STRN3: variants seen among roughly 807,000 people sequenced by gnomAD.
STRN3 encodes the protein striatin 3, also known as striatin-3.
STRN3 carries 29 observed loss-of-function variants against 95.6 expected under a neutral mutation model. That is an observed-to-expected ratio of 0.30 (90% confidence interval 0.23 to 0.41). The LOEUF is 0.41. Ranked by LOEUF, STRN3 falls within the 10% of genes least tolerant of loss-of-function variation. The probability of loss-of-function intolerance (pLI) is 1.00; values close to 1 mark genes in which losing one functional copy is unlikely to be tolerated. For missense variants in STRN3, 890 were observed against 972.1 expected (o/e 0.92, Z 1.12); for synonymous variants, 331 against 357.6 (o/e 0.93, Z 0.84).
chr14:30,973,384 CAG>C (rs531237868), intron 1 of STRN3, among the ~76,000 whole-genome samples: 90 of 150,828 alleles, frequency 6.0e-4, no homozygotes, highest in Admixed American at 1.6e-3. Context: ...GACAAAGAGA[CAG>C]AGAGAGAGAA....
At chr14:30,898,504 T>C (rs970400061) in intron 16 of STRN3, among the ~76,000 whole-genome samples, 4 of 152,224 alleles carry the variant, frequency 2.6e-5, no homozygotes, top group African/African-American at 9.6e-5. Flanking sequence ...TTAACCCTTC[T>C]TCTCCACAGA....
chr14:30,920,608 A>T (rs1326754349), intron 8 of STRN3, among the ~76,000 whole-genome samples: 2 of 152,174 alleles, frequency 1.3e-5, no homozygotes. Context: ...GTTTTAAAAA[A>T]GAATCTCCCT....
chr14:30,929,572 T>A (rs1489672271), intron 7 of STRN3, among the ~76,000 whole-genome samples: 1 of 152,074 alleles, frequency 6.6e-6, no homozygotes, highest in African/African-American at 2.4e-5. Context: ...TATCATTCAT[T>A]CAATAGACTG....
chr14:31,024,727 G>C (rs554069325), intron 1 of STRN3, among the ~76,000 whole-genome samples: 67 of 152,062 alleles, frequency 4.4e-4, no homozygotes, highest in Middle Eastern at 3.2e-3. Context: ...TTTGCCTAAC[G>C]ATTCACCATA....
At chr14:30,903,477 C>G (rs1896379580) in intron 15 of STRN3, among the ~76,000 whole-genome samples, 1 of 152,158 alleles carries the variant, frequency 6.6e-6, no homozygotes, top group Non-Finnish European at 1.5e-5. Context: ...TCATAGCTCA[C>G]TGTAACCTTG....
At chr14:31,013,775 G>A (rs1883082265) in intron 1 of STRN3, among the ~76,000 whole-genome samples, 1 of 137,230 alleles carries the variant, frequency 7.3e-6, no homozygotes, top group Non-Finnish European at 1.6e-5. Context: ...CTTTTCTGTA[G>A]AAACGGGGGG....
intron 5 of STRN3, among the ~76,000 whole-genome samples, chr14:30,944,224 A>G (rs530283728): frequency 6.6e-6 from 1 of 152,160 alleles, no homozygotes; most frequent in South Asian, 2.1e-4. Flanking sequence ...GCTGTAAAAT[A>G]TTTACAAATT....
Position 30,913,611 on chromosome 14 carries a change from C to A in STRN3, c.1287G>T (p.Met429Ile), listed in dbSNP as rs753321305. The stretch of plus-strand genomic sequence containing the variant: ...CACTTAACAAAACATCATCAGAACC[C>A]ATAATAAATGACTTGCCTCCTCCAG... Reference protein sequence around the residue: ...FPSGGGKSFIMGSDDVLLSVL... With the variant: ...FPSGGGKSFIIGSDDVLLSVL... Residue 429 changes from methionine (M) to isoleucine (I), a missense_variant, in exon 10 of 18, where the codon ATG becomes ATT. Physicochemically the swap from Met to Ile is conservative, Grantham distance 10 (BLOSUM62 1). Around this residue, in one of 3 missense-constraint regions of STRN3, gnomAD observed 7 missense variants for 23.0 expected, o/e 0.30. Transcript: ENST00000357479. The A allele has an allele frequency of 7.9e-5, 128 of 1,613,728 alleles. No individual in the cohort carries two copies. The highest frequency in any genetic ancestry group is 9.0e-5 in the Non-Finnish European group (106 of 1,179,892).
chr14:30,926,556 C>G (rs1422738960), intron 8 of STRN3, among the ~76,000 whole-genome samples: 12 of 151,544 alleles, frequency 7.9e-5, no homozygotes, highest in Non-Finnish European at 1.6e-4. Flanking sequence ...TATAATACTT[C>G]TTATAATTAC....
rs1166932734 is a variant in STRN3, at chr14:30,895,067, AAAAAAAAAAAAAG to A, written c.*331_*343del. ...CACACAGAGTCCAAAAAAAAAAAAAAAAAAAAAAAAAAGAAGAAGAAGAAGAGAAAAAAAAAAA... is the reference window on the plus strand; with the variant it reads ...CACACAGAGTCCAAAAAAAAAAAAAAAAGAAGAAGAAGAGAAAAAAAAAAA... On this transcript the variant is annotated 3_prime_UTR_variant, in exon 18 of 18. Transcript: ENST00000357479. 1.1e-4 allele frequency: 23 copies of A among 213,104 alleles called. No individual in the cohort carries two copies. The highest frequency in any genetic ancestry group is 1.6e-4 in the Non-Finnish European group (19 of 118,006). The allele number at this position is 213,104 out of a possible 1,614,324, so 13.2% of individuals were successfully genotyped here.
intron 5 of STRN3, among the ~76,000 whole-genome samples, chr14:30,944,551 A>T (rs1879257582): frequency 1.4e-5 from 1 of 69,432 alleles, no homozygotes; most frequent in Non-Finnish European, 2.9e-5. Context: ...GTATATATAC[A>T]CGTATATATA....
intron 1 of STRN3, among the ~76,000 whole-genome samples, chr14:30,987,738 A>G (rs1881763822): frequency 6.7e-6 from 1 of 149,400 alleles, no homozygotes; most frequent in African/African-American, 2.5e-5. Flanking sequence ...TCAGTTGAAT[A>G]TAATTTTTTT....
Position 31,026,075 on chromosome 14 carries a change from C to T in STRN3, c.111G>A (p.Ala37=), listed in dbSNP as rs893643518. The change falls in exon 1 of 18, where the codon GCG becomes GCA. Residue 37 remains alanine (A), a synonymous_variant. Transcript: ENST00000357479. The part of the protein sequence containing the change: ...NLGLSPGGNG[A]AGGGGPPASE... The stretch of plus-strand genomic sequence containing the variant: ...AGGCCGGAGGACCCCCGCCGCCCGC[C>T]GCTCCGTTCCCCCCGGGCGAAAGGC... The T allele has an allele frequency of 3.9e-6, 6 of 1,529,576 alleles. No homozygotes were observed. The African/African-American group carries it at 7.1e-5, about 18-fold the overall frequency. The allele number at this position is 1,529,576 out of a possible 1,614,324, so 94.8% of individuals were successfully genotyped here. A position where few individuals can be genotyped will look rare whatever the true frequency, so the allele number is the denominator to read the frequency against.
At chr14:30,976,049 A>G (rs1382589159) in intron 1 of STRN3, among the ~76,000 whole-genome samples, 1 of 152,198 alleles carries the variant, frequency 6.6e-6, no homozygotes, top group Non-Finnish European at 1.5e-5. Flanking sequence ...AGTTACCAAC[A>G]TGGTACTAAC....
chr14:31,015,652 C>T lies in STRN3; in HGVS notation c.282+10252G>A, dbSNP rs77049525. On this transcript the variant is annotated intron_variant, in intron 1 of 17. Transcript: ENST00000357479. Reference sequence around the variant, plus strand: ...CCTCCCAAAGTGCTGGGATTACAGGCATGAGCCACCGTGCCCCCAGCCAAC... The same window carrying T: ...CCTCCCAAAGTGCTGGGATTACAGGTATGAGCCACCGTGCCCCCAGCCAAC... Among the ~76,000 whole-genome samples the T allele has an allele frequency of 3.8e-3, 577 of 152,330 alleles. 2 individuals are homozygous for T. Among genetic ancestry groups the T allele is most frequent in the African/African-American group, 0.013 (542 of 41,578 alleles).
chr14:30,896,560 AAAAG>A (rs1896156338), intron 16 of STRN3, among the ~76,000 whole-genome samples: 1 of 150,496 alleles, frequency 6.6e-6, no homozygotes, highest in African/African-American at 2.5e-5. Flanking sequence ...GAGAAGAAAG[AAAAG>A]AAAGGGAAGG....
chr14:31,002,699 T>G (rs536873988), intron 1 of STRN3, among the ~76,000 whole-genome samples: 1 of 151,126 alleles, frequency 6.6e-6, no homozygotes. Flanking sequence ...TGGATGAACC[T>G]TAAGGACACA....
intron 1 of STRN3, among the ~76,000 whole-genome samples, chr14:30,992,186 G>C (rs1334720788): frequency 2.0e-5 from 3 of 151,900 alleles, no homozygotes; most frequent in African/African-American, 7.2e-5. Context: ...GAGGCGGGCG[G>C]ATCACCTGAG....
intron 1 of STRN3, among the ~76,000 whole-genome samples, chr14:30,987,073 G>C (rs1881727305): frequency 6.6e-6 from 1 of 152,128 alleles, no homozygotes; most frequent in Non-Finnish European, 1.5e-5. Flanking sequence ...TATGGTACAA[G>C]AAGGCATACA....
Sources: allele counts gnomAD v4.1 joint callset (sites outside exome capture counted in the v4.1 genomes callset), GRCh38; gene constraint gnomAD v4.1.1; regional missense constraint gnomAD v4.1.1; transcripts MANE v1.5; gene names NCBI Gene and HGNC (gene_info 2026-07-23, HGNC 2026-07-21).